Variants in METTL15 observed in about 807,000 individuals in gnomAD.
METTL15 encodes the protein methyltransferase 15, mitochondrial 12S rRNA N4-cytidine, also known as 12S rRNA N(4)-cytidine methyltransferase METTL15.
Under a neutral mutation model 38.3 loss-of-function variants are expected in METTL15, and 34 were observed. That is an observed-to-expected ratio of 0.89 (90% confidence interval 0.68 to 1.18). The LOEUF (loss-of-function observed/expected upper bound fraction) is 1.18, where lower values mean the gene tolerates loss of function less well. Among genes scored for constraint, METTL15 ranks in the 50% most tolerant of loss-of-function variants. The pLI is 0.00. For missense variants in METTL15, 438 were observed against 498.4 expected (o/e 0.88, Z 1.15); for synonymous variants, 162 against 170.9 (o/e 0.95, Z 0.41).
intron 6 of METTL15, among the ~76,000 whole-genome samples, chr11:28,493,530 G>A (rs1851513641): frequency 6.6e-6 from 1 of 152,138 alleles, no homozygotes; most frequent in South Asian, 2.1e-4. Context: ...CATCGACTCT[G>A]GTTATTATTA....
At chr11:28,513,527 A>C (rs1851693843) in intron 6 of METTL15, among the ~76,000 whole-genome samples, 1 of 152,152 alleles carries the variant, frequency 6.6e-6, no homozygotes, top group African/African-American at 2.4e-5. Flanking sequence ...GGAGACCCTA[A>C]CCCAGAGGTG....
intron 3 of METTL15, among the ~76,000 whole-genome samples, chr11:28,208,017 T>C (rs563479700): frequency 6.6e-6 from 1 of 152,286 alleles, no homozygotes; most frequent in Admixed American, 6.5e-5. Context: ...TTTATTAGTC[T>C]TGCTAGCAGT....
intron 5 of METTL15, among the ~76,000 whole-genome samples, chr11:28,386,511 A>C (rs1004375221): frequency 2.0e-5 from 3 of 152,036 alleles, no homozygotes; most frequent in African/African-American, 4.8e-5. Flanking sequence ...TATAAAAATC[A>C]ATTCACCAAG....
rs1491474242 is a variant in METTL15, at chr11:28,310,966, G to GTGTGTA, written c.778+14040_778+14041insATGTGT. ...GTGGTGGTGGTGGTGGTGGTGGTGG[G>GTGTGTA]TGTGTGTGTGTGTGTGTGTGTGTGT... On this transcript the variant is annotated intron_variant, in intron 6 of 6. Transcript: ENST00000407364. Among the ~76,000 whole-genome samples, 475 of 86,438 alleles carry GTGTGTA rather than the reference G, an allele frequency of 5.5e-3. 7 individuals carry two copies. The highest frequency in any genetic ancestry group is 0.024 in the African/African-American group (437 of 18,550). 56.7% of individuals were successfully genotyped at this position (86,438 alleles called of 152,430 possible).
intron 5 of METTL15, among the ~76,000 whole-genome samples, chr11:28,373,278 A>T (rs1296681680): frequency 6.6e-6 from 1 of 151,880 alleles, no homozygotes. Context: ...CCTCTCCAGC[A>T]CCTGTTGTTT....
Position 28,284,202 on chromosome 11 carries a change from A to C in METTL15, c.408-6004A>C, listed in dbSNP as rs761548953. On this transcript the variant is annotated intron_variant, in intron 4 of 6. Transcript: ENST00000407364. ...CACATTTATTTTGTGGTGGTGCATCATTTTTTTATATACTTTCATACTTGT... is the reference window on the plus strand; with the variant it reads ...CACATTTATTTTGTGGTGGTGCATCCTTTTTTTATATACTTTCATACTTGT... Among the ~76,000 whole-genome samples the C allele has an allele frequency of 3.3e-5, 5 of 152,232 alleles. No homozygotes were observed. In the South Asian group the frequency reaches 8.3e-4, roughly 25 times the overall value.
intron 5 of METTL15, among the ~76,000 whole-genome samples, chr11:28,412,417 C>CAG (rs139994046): frequency 2.0e-4 from 30 of 148,564 alleles, no homozygotes; most frequent in Middle Eastern, 3.3e-3. Flanking sequence ...AAAGGAGAGA[C>CAG]AGAGAGAGAG....
At position 28,216,379 on chromosome 11, in the gene METTL15, G is replaced by C. The variant is rs1852870692; in HGVS notation, c.407+5181G>C. 2.0e-5 allele frequency among the ~76,000 whole-genome samples: 3 copies of C among 152,014 alleles called. 1 individual carries two copies. The highest frequency in any genetic ancestry group is 2.0e-4 in the Admixed American group (3 of 15,248). ...AAATATTTTAATTCATTGAGAAAATGGTGCATAATTAAAAAATGATGCTGT... is the reference window on the plus strand; with the variant it reads ...AAATATTTTAATTCATTGAGAAAATCGTGCATAATTAAAAAATGATGCTGT... On this transcript the variant is annotated intron_variant, in intron 4 of 6. Transcript: ENST00000407364.
At chr11:28,207,656 A>G (rs71518618) in intron 3 of METTL15, among the ~76,000 whole-genome samples, 5 of 152,050 alleles carry the variant, frequency 3.3e-5, no homozygotes, top group Non-Finnish European at 5.9e-5. Context: ...CTCTTTTTCT[A>G]TAGATTGAAA....
At chr11:28,365,093 G>T (rs1850173194) in intron 5 of METTL15, among the ~76,000 whole-genome samples, 1 of 152,062 alleles carries the variant, frequency 6.6e-6, no homozygotes, top group African/African-American at 2.4e-5. Context: ...TTTTGTTGAG[G>T]ATTTTTATAT....
At chr11:28,279,066 A>G (rs560726077) in intron 4 of METTL15, among the ~76,000 whole-genome samples, 2 of 152,288 alleles carry the variant, frequency 1.3e-5, no homozygotes, top group African/African-American at 4.8e-5. Flanking sequence ...GGCTCAAACA[A>G]TGCTTCTGCC....
intron 6 of METTL15, among the ~76,000 whole-genome samples, chr11:28,509,994 C>T (rs1387733544): frequency 6.6e-6 from 1 of 152,018 alleles, no homozygotes; most frequent in Non-Finnish European, 1.5e-5. Context: ...TGGATGCCCA[C>T]ATTCAATTTG....
intron 4 of METTL15, among the ~76,000 whole-genome samples, chr11:28,251,204 AC>A (rs1318128490): frequency 6.6e-6 from 1 of 152,010 alleles, no homozygotes; most frequent in East Asian, 1.9e-4. Context: ...TTATTCTTCC[AC>A]CCTACCAAAT....
intron 5 of METTL15, among the ~76,000 whole-genome samples, chr11:28,293,511 G>T (rs1183257145): frequency 1.3e-5 from 2 of 151,998 alleles, no homozygotes; most frequent in African/African-American, 2.4e-5. Context: ...CTTTGTTCTT[G>T]TGGCTTAGGA....
chr11:28,482,878 T>C lies in METTL15; in HGVS notation c.*425-43600T>C, dbSNP rs530653979. Among the ~76,000 whole-genome samples, 10 of 152,280 alleles carry C rather than the reference T, an allele frequency of 6.6e-5. No individual in the cohort carries two copies. The South Asian group carries it at 1.9e-3, about 28-fold the overall frequency. Reference sequence around the variant, plus strand: ...GTTTGAACTATGATTCAGAGAGCTCTCATCAATGTGCCATACTGCCATCTC... The same window carrying C: ...GTTTGAACTATGATTCAGAGAGCTCCCATCAATGTGCCATACTGCCATCTC... On this transcript the variant is annotated intron_variant and NMD_transcript_variant, in intron 6 of 7. Transcript: ENST00000532947.
chr11:28,257,858 A>G (rs1855036213), intron 4 of METTL15, among the ~76,000 whole-genome samples: 1 of 152,176 alleles, frequency 6.6e-6, no homozygotes. Context: ...GAAAGGTCAC[A>G]TATTTCTAAT....
intron 4 of METTL15, among the ~76,000 whole-genome samples, chr11:28,242,260 G>A (rs908802203): frequency 6.6e-6 from 1 of 152,026 alleles, no homozygotes; most frequent in African/African-American, 2.4e-5. Context: ...CTATATTTAG[G>A]TTTATTGGTT....
chr11:28,301,894 T>G (rs1469401111), intron 6 of METTL15, among the ~76,000 whole-genome samples: 1 of 152,042 alleles, frequency 6.6e-6, no homozygotes, highest in Admixed American at 6.6e-5. Flanking sequence ...TAAATACATT[T>G]TTTAGAATTT....
rs181597749 is a variant in METTL15 at position 28,478,121 on chromosome 11, G to C, written c.*425-48357G>C. Among the ~76,000 whole-genome samples the C allele has an allele frequency of 3.8e-4, 58 of 152,190 alleles. 1 individual carries two copies. In the East Asian group the frequency reaches 0.011, roughly 28 times the overall value. On this transcript the variant is annotated intron_variant and NMD_transcript_variant, in intron 6 of 7. Transcript: ENST00000532947. The stretch of plus-strand genomic sequence containing the variant: ...TTTTATTTTGTTATTTTAGACCTAT[G>C]TCCATGATCTTAAAACTTTAGTCAG...
Sources: allele counts gnomAD v4.1 joint callset (sites outside exome capture counted in the v4.1 genomes callset), GRCh38; gene constraint gnomAD v4.1.1; transcripts MANE v1.5; gene names NCBI Gene and HGNC (gene_info 2026-07-23, HGNC 2026-07-21).